Variants in COG6 observed in about 807,000 individuals in gnomAD.
COG6 encodes the protein conserved oligomeric Golgi complex subunit 6.
A neutral mutation model predicts 88.8 loss-of-function variants in COG6; 74 were observed. The observed-to-expected ratio is 0.83, with a 90% CI of 0.69 to 1.01. The LOEUF (loss-of-function observed/expected upper bound fraction) is 1.01, where lower values mean the gene tolerates loss of function less well. COG6 is among the 50% of genes least tolerant of loss of function. The probability of loss-of-function intolerance (pLI) is 0.00; values close to 1 mark genes in which losing one functional copy is unlikely to be tolerated. For missense variants in COG6, 800 were observed against 797.9 expected, an observed-to-expected ratio of 1.00 and a Z score of -0.03; for synonymous variants, 286 against 278.7, an observed-to-expected ratio of 1.03 and a Z score of -0.26.
chr13:39,724,991 C>CA (rs1199446402), intron 17 of COG6, among the ~76,000 whole-genome samples: 1 of 151,896 alleles, frequency 6.6e-6, no homozygotes, highest in Non-Finnish European at 1.5e-5. Flanking sequence ...GTTTGAGACT[C>CA]ACTGAATTTC....
Position 39,694,699 on chromosome 13 carries a change from C to T in COG6, c.1140C>T (p.Leu380=), listed in dbSNP as rs772945485. The T allele has an allele frequency of 1.5e-4, 236 of 1,590,214 alleles. 1 individual carries two copies. Among genetic ancestry groups the T allele is most frequent in the Non-Finnish European group, 1.8e-4 (213 of 1,161,470 alleles). ...TTTTATTATATAAAATTTCTAATCT[C>T]CTCAAATTTTATCACCATACAATCA... The part of the protein sequence containing the change: ...GAVLLYKISN[L]LKFYHHTISG... Residue 380 remains leucine, a synonymous_variant, in exon 12 of 19, where the codon CTC becomes CTT. Coordinates refer to ENST00000455146, the MANE Select transcript of COG6 (RefSeq NM_020751.3).
At chr13:39,760,015 A>G (rs1457269717) in intron 18 of COG6, among the ~76,000 whole-genome samples, 1 of 152,206 alleles carries the variant, frequency 6.6e-6, no homozygotes, top group Non-Finnish European at 1.5e-5. Flanking sequence ...TAACTTTACT[A>G]CCAGGAAATT....
At chr13:39,681,977 T>C (rs1876340226) in intron 7 of COG6, among the ~76,000 whole-genome samples, 194 bp from the exon 8 acceptor site, 1 of 152,168 alleles carries the variant, frequency 6.6e-6, no homozygotes, top group African/African-American at 2.4e-5. Flanking sequence ...TTTAAAGTTA[T>C]ATAACTACTT....
At chr13:39,754,720 C>T (rs1285945754), downstream of COG6, among the ~76,000 whole-genome samples, 15 of 152,012 alleles carry the variant, frequency 9.9e-5, no homozygotes, top group Non-Finnish European at 1.9e-4. Flanking sequence ...AGGTAGTAGG[C>T]TTTGTGATAA....
At chr13:39,748,541 G>A (rs1162533801) in intron 18 of COG6, among the ~76,000 whole-genome samples, 1 of 151,956 alleles carries the variant, frequency 6.6e-6, no homozygotes, top group African/African-American at 2.4e-5. Context: ...CTTGAACCGG[G>A]AAGGCAGAGG....
intron 8 of COG6, 154 bp downstream of exon 8, chr13:39,682,418 TG>T: frequency 1.6e-6 from 1 of 610,908 alleles, no homozygotes; most frequent in Non-Finnish European, 2.9e-6. Flanking sequence ...ATTTGTTTCA[TG>T]GGGTATCAGC....
At chr13:39,673,395 A>G (rs1016021422) in intron 4 of COG6, among the ~76,000 whole-genome samples, 3 of 152,062 alleles carry the variant, frequency 2.0e-5, no homozygotes, top group African/African-American at 7.2e-5. Context: ...CAAGAAAACA[A>G]CCTCATTACA....
intron 13 of COG6, among the ~76,000 whole-genome samples, chr13:39,717,177 T>G (rs1878570192): frequency 6.6e-6 from 1 of 152,206 alleles, no homozygotes; most frequent in Admixed American, 6.6e-5. Context: ...TGTTTTCTGG[T>G]AAGAAATCAG....
At chr13:39,778,544 C>T (rs1458898799) in intron 18 of COG6, among the ~76,000 whole-genome samples, 1 of 151,994 alleles carries the variant, frequency 6.6e-6, no homozygotes, top group African/African-American at 2.4e-5. Context: ...CGTGTAGATT[C>T]TGCCTTCAGA....
intron 18 of COG6, among the ~76,000 whole-genome samples, chr13:39,768,256 T>G (rs1157359411): frequency 6.6e-6 from 1 of 152,268 alleles, no homozygotes; most frequent in South Asian, 2.1e-4. Context: ...CTGGTGTTGG[T>G]ATCTCACTGG....
chr13:39,655,692 C>T lies in COG6; in HGVS notation c.-35C>T, dbSNP rs570717154. ...CGCTGCCTCCGTGGTCCCTGCCTGG[C>T]TGAGGTGGCAGCAGGGGGCGGGACG... On this transcript the variant is annotated 5_prime_UTR_variant, in exon 1 of 19. Transcript: ENST00000455146. 27 of 1,554,960 alleles carry T rather than the reference C, an allele frequency of 1.7e-5. No homozygotes were observed. Among genetic ancestry groups the T allele is most frequent in the Non-Finnish European group, 2.3e-5 (27 of 1,151,448 alleles).
intron 18 of COG6, among the ~76,000 whole-genome samples, chr13:39,762,804 C>A (rs1406015947): frequency 9.6e-6 from 1 of 103,836 alleles, no homozygotes; most frequent in Non-Finnish European, 2.1e-5. Flanking sequence ...CCCTTTATTT[C>A]TTTTTCTTTT....
chr13:39,698,374 AT>A (rs1459872414), intron 12 of COG6, among the ~76,000 whole-genome samples: 1 of 151,938 alleles, frequency 6.6e-6, no homozygotes, highest in Non-Finnish European at 1.5e-5. Context: ...GGCATACAAT[AT>A]TTTTAACTAA....
At chr13:39,660,443 T>G (rs554636645) in intron 2 of COG6, among the ~76,000 whole-genome samples, 1 of 152,184 alleles carries the variant, frequency 6.6e-6, no homozygotes. Context: ...ATTGGATACA[T>G]GTCAAAAGGA....
At chr13:39,738,091 C>G (rs577127506) in intron 18 of COG6, among the ~76,000 whole-genome samples, 6 of 152,194 alleles carry the variant, frequency 3.9e-5, no homozygotes, top group African/African-American at 1.4e-4. Flanking sequence ...TTTAGTGCCT[C>G]TTTCCTTAAT....
intron 13 of COG6, among the ~76,000 whole-genome samples, chr13:39,711,479 T>C (rs1195976123): frequency 1.3e-5 from 2 of 152,082 alleles, no homozygotes; most frequent in Admixed American, 6.6e-5. Flanking sequence ...TTGGAGTCAA[T>C]GCTTGGGTGA....
At chr13:39,659,731 G>A (rs1874775649) in intron 2 of COG6, among the ~76,000 whole-genome samples, 1 of 152,032 alleles carries the variant, frequency 6.6e-6, no homozygotes, top group Admixed American at 6.6e-5. Flanking sequence ...AGTTAACATT[G>A]TTCTAGAAGA....
At chr13:39,739,010 G>A (rs918707733) in intron 18 of COG6, among the ~76,000 whole-genome samples, 6 of 152,012 alleles carry the variant, frequency 3.9e-5, no homozygotes, top group African/African-American at 7.2e-5. Flanking sequence ...TAGTTGAACA[G>A]TACTACCAAT....
chr13:39,677,024 A>C (rs1876012060), intron 4 of COG6, among the ~76,000 whole-genome samples: 2 of 152,178 alleles, frequency 1.3e-5, no homozygotes, highest in African/African-American at 2.4e-5. Context: ...AAACTAATAA[A>C]TTTGATTTTT....
Sources: gnomAD v4.1 joint callset for allele counts (sites outside exome capture counted in the v4.1 genomes callset) on GRCh38, gnomAD v4.1.1 for gene constraint, MANE v1.5 for transcripts, NCBI Gene and HGNC (gene_info 2026-07-23, HGNC 2026-07-21) for gene names.